Variants in GADL1 observed in about 807,000 individuals in gnomAD.
GADL1 encodes the protein acidic amino acid decarboxylase GADL1.
GADL1 carries 71 observed loss-of-function variants against 69.5 expected under a neutral mutation model. The observed-to-expected ratio is 1.02, with a 90% CI of 0.84 to 1.25. The LOEUF (loss-of-function observed/expected upper bound fraction) is 1.25, where lower values mean the gene tolerates loss of function less well. Ranked by LOEUF, GADL1 falls within the 50% of genes most tolerant of loss-of-function variation. GADL1 has a pLI of 0.00. For missense variants in GADL1, 737 were observed against 631.8 expected, an observed-to-expected ratio of 1.17 and a Z score of -1.79; for synonymous variants, 254 against 214.4, an observed-to-expected ratio of 1.18 and a Z score of -1.62.
chr3:30,855,929 CAA>C (rs370368623), intron 3 of GADL1, among the ~76,000 whole-genome samples: 8 of 124,080 alleles, frequency 6.4e-5, no homozygotes, highest in Admixed American at 8.6e-5. Flanking sequence ...TCTGATCTGG[CAA>C]AAAAAAAAAA....
chr3:30,768,741 A>AT (rs1388002569), intron 14 of GADL1, among the ~76,000 whole-genome samples: 2 of 152,154 alleles, frequency 1.3e-5, no homozygotes, highest in African/African-American at 4.8e-5. Flanking sequence ...AGAAGGAACA[A>AT]TTTGATCTCT....
chr3:30,834,123 T>C lies in GADL1; in HGVS notation c.968+94A>G. The C allele has an allele frequency of 2.7e-6, 3 of 1,108,638 alleles. No individual in the cohort carries two copies. The South Asian group carries it at 4.0e-5, about 15-fold the overall frequency. The allele number at this position is 1,108,638 out of a possible 1,614,324, so 68.7% of individuals were successfully genotyped here. On this transcript the variant is annotated intron_variant, in intron 10 of 14. Transcript: ENST00000282538. ...TTGTTGTTTATTTAAGGAAAACAATTACTTTGTTTTTTCCTATTTTCAAAA... is the reference window on the plus strand; with the variant it reads ...TTGTTGTTTATTTAAGGAAAACAATCACTTTGTTTTTTCCTATTTTCAAAA...
intron 12 of GADL1, among the ~76,000 whole-genome samples, chr3:30,796,303 G>A (rs538735564): frequency 1.4e-4 from 21 of 152,132 alleles, no homozygotes; most frequent in Non-Finnish European, 1.5e-4. Context: ...ATGGTAGACC[G>A]TAGACTGTCT....
chr3:30,756,916 A>C (rs2125482291), intron 14 of GADL1, among the ~76,000 whole-genome samples: 1 of 152,144 alleles, frequency 6.6e-6, no homozygotes, highest in East Asian at 1.9e-4. Context: ...TGTAGCAATA[A>C]CTCAGCACTA....
chr3:30,864,381 C>T (rs1181364943), intron 1 of GADL1, among the ~76,000 whole-genome samples: 2 of 151,424 alleles, frequency 1.3e-5, no homozygotes, highest in African/African-American at 4.9e-5. Context: ...GTGTGTGTCA[C>T]ACACATACAC....
chr3:30,835,387 AAAG>A (rs1161759180), intron 9 of GADL1, among the ~76,000 whole-genome samples: 1 of 152,100 alleles, frequency 6.6e-6, no homozygotes, highest in Non-Finnish European at 1.5e-5. Flanking sequence ...TATCATGTAA[AAAG>A]AAGTGGCATG....
intron 11 of GADL1, among the ~76,000 whole-genome samples, chr3:30,828,632 G>A (rs1282101909): frequency 6.6e-6 from 1 of 151,838 alleles, no homozygotes; most frequent in Non-Finnish European, 1.5e-5. Flanking sequence ...AAAGATCCCT[G>A]AGAAGGAGGT....
chr3:30,855,174 G>A (rs1698208168), intron 3 of GADL1, among the ~76,000 whole-genome samples: 1 of 152,000 alleles, frequency 6.6e-6, no homozygotes, highest in Non-Finnish European at 1.5e-5. Flanking sequence ...TCCAAAACAG[G>A]ATCATGCGCA....
chr3:30,745,431 T>G (rs1358464324), intron 14 of GADL1, among the ~76,000 whole-genome samples: 3 of 152,238 alleles, frequency 2.0e-5, no homozygotes, highest in African/African-American at 4.8e-5. Flanking sequence ...ACATTTGGAA[T>G]GATAGAAAAT....
rs779808482 is a variant in GADL1 at position 30,728,444 on chromosome 3, G to A, written c.1393-29C>T. On this transcript the variant is annotated intron_variant, in intron 14 of 14. Coordinates refer to ENST00000282538, the MANE Select transcript of GADL1 (RefSeq NM_207359.3). ...TGTGGGGAGAAAAGGGGAGAGGGGT[G>A]AAAGACCAGAACATCAAGGCATTTC... 4.4e-6 allele frequency: 7 copies of A among 1,585,070 alleles called. No homozygotes were observed. In the African/African-American group the frequency reaches 9.4e-5, roughly 21 times the overall value.
intron 1 of GADL1, among the ~76,000 whole-genome samples, chr3:30,871,042 A>AGTGTGTGTGTGTGT (rs4016178): frequency 0.01 from 1,479 of 141,430 alleles, 13 homozygotes; most frequent in East Asian, 0.02. Context: ...AAGGCAGAAA[A>AGTGTGTGTGTGTGT]GTGTGTGTGT....
At chr3:30,858,133 C>A (rs1698257573) in intron 2 of GADL1, among the ~76,000 whole-genome samples, 1 of 151,990 alleles carries the variant, frequency 6.6e-6, no homozygotes, top group African/African-American at 2.4e-5. Context: ...ACATAATCTC[C>A]ATACAAGCAG....
intron 4 of GADL1, among the ~76,000 whole-genome samples, chr3:30,852,208 G>A (rs1238662244): frequency 1.3e-5 from 2 of 152,074 alleles, no homozygotes; most frequent in Non-Finnish European, 2.9e-5. Flanking sequence ...CAGATGTTAT[G>A]CCATCTTAAA....
At chr3:30,882,816 C>A (rs1241409010) in intron 1 of GADL1, among the ~76,000 whole-genome samples, 2 of 151,758 alleles carry the variant, frequency 1.3e-5, no homozygotes, top group African/African-American at 4.8e-5. Flanking sequence ...CACATACTCT[C>A]CAGCACTTGT....
intron 14 of GADL1, among the ~76,000 whole-genome samples, chr3:30,760,794 T>G: frequency 6.6e-6 from 1 of 152,048 alleles, no homozygotes; most frequent in East Asian, 1.9e-4. Context: ...TCTCCACATG[T>G]TTTTCTTCAG....
At chr3:30,750,936 A>G (rs971469422) in intron 14 of GADL1, among the ~76,000 whole-genome samples, 3 of 152,192 alleles carry the variant, frequency 2.0e-5, no homozygotes, top group African/African-American at 4.8e-5. Context: ...TCTGAAACAC[A>G]AAGTCAACCT....
At chr3:30,758,849 G>T (rs915019050) in intron 14 of GADL1, among the ~76,000 whole-genome samples, 5 of 152,150 alleles carry the variant, frequency 3.3e-5, no homozygotes, top group African/African-American at 7.2e-5. Context: ...TACAAGTGTC[G>T]CCCTTTTGAT....
intron 11 of GADL1, among the ~76,000 whole-genome samples, chr3:30,824,611 AATC>A (rs1697652076): frequency 6.6e-6 from 1 of 151,812 alleles, no homozygotes; most frequent in Non-Finnish European, 1.5e-5. Flanking sequence ...GAATGAAAAT[AATC>A]ATCAGATTGT....
intron 13 of GADL1, among the ~76,000 whole-genome samples, chr3:30,780,171 G>A (rs1696632590): frequency 6.6e-6 from 1 of 152,140 alleles, no homozygotes. Context: ...CCTTGCCTTG[G>A]ATGACTTCTC....
Sources: allele counts gnomAD v4.1 joint callset (sites outside exome capture counted in the v4.1 genomes callset), GRCh38; gene constraint gnomAD v4.1.1; transcripts MANE v1.5; gene names NCBI Gene and HGNC (gene_info 2026-07-23, HGNC 2026-07-21).